The following MLH3 variants were observed in gnomAD, a reference collection of about 807,000 sequenced individuals.
MLH3 encodes DNA mismatch repair protein Mlh3.
Under a neutral mutation model 122.2 loss-of-function variants are expected in MLH3, and 82 were observed. That is an observed-to-expected ratio of 0.67 (90% confidence interval 0.56 to 0.81). The LOEUF is 0.81. MLH3 is among the 30% of genes least tolerant of loss of function. MLH3 has a pLI of 0.00. For missense variants in MLH3, 1,539 were observed against 1,714.5 expected, an observed-to-expected ratio of 0.90 and a Z score of 1.81; for synonymous variants, 524 against 599.5, an observed-to-expected ratio of 0.87 and a Z score of 1.84.
rs34635307 is a variant in MLH3 at position 75,039,759 on chromosome 14, AACAC to A, written c.3570+148_3570+151del. 88,862 of 196,874 alleles carry A rather than the reference AACAC, an allele frequency of 0.45. 16,624 individuals are homozygous for A. The highest frequency in any genetic ancestry group is 0.57 in the East Asian group (3,611 of 6,344). The allele number at this position is 196,874 out of a possible 1,614,324, so 12.2% of individuals were successfully genotyped here. A position where few individuals can be genotyped will look rare whatever the true frequency, so the allele number is the denominator to read the frequency against. ...TTCTGATGATAAAAGTTCTAGTAAGAACACACACACACACACACACACACACACG... is the reference window on the plus strand; with the variant it reads ...TTCTGATGATAAAAGTTCTAGTAAGAACACACACACACACACACACACACG... On this transcript the variant is annotated intron_variant, in intron 5 of 12. Coordinates refer to ENST00000355774, the MANE Select transcript of MLH3 (RefSeq NM_001040108.2).
At position 75,035,954 on chromosome 14, in the gene MLH3, C is replaced by G. The variant is rs368282365; in HGVS notation, c.3643+2386G>C. On this transcript the variant is annotated intron_variant, in intron 6 of 12. Coordinates refer to ENST00000355774, the MANE Select transcript of MLH3 (RefSeq NM_001040108.2). ...CAGTCTCCATTAGCACCATCAGCAT[C>G]TCGTCCTGTCTATTCTCTGAAACAG... is the stretch of plus-strand genomic sequence containing the variant. 2.1e-4 allele frequency among the ~76,000 whole-genome samples: 32 copies of G among 152,206 alleles called. 1 individual carries two copies. The highest frequency in any genetic ancestry group is 1.2e-3 in the East Asian group (6 of 5,200).
intron 6 of MLH3, among the ~76,000 whole-genome samples, chr14:75,033,969 C>T (rs1400670887): frequency 2.6e-5 from 4 of 151,940 alleles, no homozygotes; most frequent in Non-Finnish European, 5.9e-5. Context: ...CTGAGGCGGG[C>T]GGATCATGAG....
chr14:75,024,260 G>A (rs1279129227), intron 9 of MLH3, among the ~76,000 whole-genome samples: 1 of 152,156 alleles, frequency 6.6e-6, no homozygotes, highest in Non-Finnish European at 1.5e-5. Context: ...GGAGTGCAAT[G>A]GCACGATCTT....
In MLH3 at chr14:75,048,495, C is replaced by T. The variant is rs1892425866; in HGVS notation, c.1161G>A (p.Arg387=). The change falls in exon 2 of 13, where the codon AGG becomes AGA. Residue 387 remains arginine, a synonymous_variant. Coordinates refer to ENST00000355774, the MANE Select transcript of MLH3 (RefSeq NM_001040108.2). ...TLQKRVTSDE[R]SNFQEACNNI... ...TATTACATGCTTCCTGGAAATTGCT[C>T]CTCTCATCGGAAGTCACACGCTTCT... 2.5e-6 allele frequency: 4 copies of T among 1,613,106 alleles called. No individual in the cohort carries two copies. Among genetic ancestry groups the T allele is most frequent in the Non-Finnish European group, 3.4e-6 (4 of 1,179,762 alleles).
Position 75,046,364 on chromosome 14 carries a change from C to G in MLH3, c.3280+12G>C. ...CAAAAGCATCTCATGCACATGAATA[C>G]TACGTACTTACCATTCTCAAGTACA... On this transcript the variant is annotated intron_variant, in intron 2 of 12. Coordinates refer to ENST00000355774, the MANE Select transcript of MLH3 (RefSeq NM_001040108.2). The G allele has an allele frequency of 6.2e-7, 1 of 1,613,802 alleles. No homozygotes were observed. Among genetic ancestry groups the G allele is most frequent in the Admixed American group, 1.7e-5 (1 of 60,022 alleles).
chr14:75,031,350 T>C (rs377640260), intron 8 of MLH3, among the ~76,000 whole-genome samples: 35 of 152,274 alleles, frequency 2.3e-4, no homozygotes, highest in Admixed American at 2.0e-3. Flanking sequence ...ACTAAGAGTC[T>C]AGAATGCACC....
At position 75,049,530 on chromosome 14, in the gene MLH3, A is replaced by C. The variant is rs556487716; in HGVS notation, c.126T>G (p.Ala42=). 12 of 1,614,128 alleles carry C rather than the reference A, an allele frequency of 7.4e-6. No individual in the cohort carries two copies. In the Admixed American group the frequency reaches 1.3e-4, roughly 18 times the overall value. ...NSIDAEAKCV[A]VRVNMETFQV... is the part of the protein sequence containing the mutation. ...GGAAGGTTTCCATATTCACCCTGACAGCCACACATTTTGCTTCAGCATCAA... is the reference window on the plus strand; with the variant it reads ...GGAAGGTTTCCATATTCACCCTGACCGCCACACATTTTGCTTCAGCATCAA... Residue 42 remains alanine, a synonymous_variant, in exon 2 of 13, where the codon GCT becomes GCG. Transcript: ENST00000355774.
At chr14:75,045,198 C>T (rs552094945) in intron 2 of MLH3, among the ~76,000 whole-genome samples, 186 of 152,262 alleles carry the variant, frequency 1.2e-3, no homozygotes, top group African/African-American at 3.9e-3. Context: ...GGTGTGGTAG[C>T]GGGTGCCTGT....
At chr14:75,034,890 C>T (rs992171804) in intron 6 of MLH3, among the ~76,000 whole-genome samples, 1 of 151,736 alleles carries the variant, frequency 6.6e-6, no homozygotes, top group African/African-American at 2.4e-5. Context: ...TGGTGAAACC[C>T]TGTCTCTACT....
rs1891208967 is a variant in MLH3 at position 75,033,789 on chromosome 14, C to A, written c.3644-299G>T. ...TCTAGTTTCTCTCTCCAGAGATTACCAGTATTACTAATTTTTATCCTATAA... is the reference window on the plus strand; with the variant it reads ...TCTAGTTTCTCTCTCCAGAGATTACAAGTATTACTAATTTTTATCCTATAA... On this transcript the variant is annotated intron_variant, in intron 6 of 12. Transcript: ENST00000355774. 2.0e-5 allele frequency among the ~76,000 whole-genome samples: 3 copies of A among 152,114 alleles called. No homozygotes were observed. In the South Asian group the frequency reaches 6.2e-4, roughly 32 times the overall value.
intron 1 of MLH3, 22 bp from the exon 2 acceptor site, chr14:75,049,740 C>T (rs947703534): frequency 5.4e-6 from 7 of 1,290,536 alleles, no homozygotes; most frequent in African/African-American, 4.4e-5. Context: ...AAAAACCACA[C>T]ACGCACATAA....
chr14:75,049,002 T>C lies in MLH3; in HGVS notation c.654A>G (p.Gly218=). 2 of 1,614,152 alleles carry C rather than the reference T, an allele frequency of 1.2e-6. No homozygotes were observed. Among genetic ancestry groups the C allele is most frequent in the Non-Finnish European group, 1.7e-6 (2 of 1,180,022 alleles). ...CSRFCQIYGL[G]KSQKLREISF... ...TTATTTCTCTTAGCTTTTGGGACTT[T>C]CCCAATCCATAAATTTGACAAAATC... The change falls in exon 2 of 13, where the codon GGA becomes GGG. Residue 218 remains glycine, a synonymous_variant. Transcript: ENST00000355774.
chr14:75,035,260 G>A (rs1015727556), intron 6 of MLH3, among the ~76,000 whole-genome samples: 2 of 151,998 alleles, frequency 1.3e-5, no homozygotes, highest in Admixed American at 1.3e-4. Context: ...GTTGGCTCAT[G>A]CCTGTAATCC....
Position 75,017,008 on chromosome 14 carries a change from C to T in MLH3, c.*74G>A. On this transcript the variant is annotated 3_prime_UTR_variant, in exon 13 of 13. Transcript: ENST00000355774. ...GATTCAGTCAGGGCCGTGCTGGTAC[C>T]TGCTGCTGCTGCTCTCTGCTCAGAG... The T allele has an allele frequency of 6.5e-7, 1 of 1,531,838 alleles. No individual in the cohort carries two copies. The highest frequency in any genetic ancestry group is 1.7e-5 in the Admixed American group (1 of 59,012). 94.9% of individuals were successfully genotyped at this position (1,531,838 alleles called of 1,614,324 possible).
At chr14:75,020,777 C>A (rs1235661710) in intron 11 of MLH3, 1 of 152,124 alleles carries the variant, frequency 6.6e-6, no homozygotes, top group East Asian at 1.9e-4. Context: ...GCTTTGGCAG[C>A]ACATATAATA....
Position 75,047,675 on chromosome 14 carries a change from T to A in MLH3, c.1981A>T (p.Thr661Ser), listed in dbSNP as rs1289171734. The A allele has an allele frequency of 6.2e-7, 1 of 1,614,070 alleles. No homozygotes were observed. The highest frequency in any genetic ancestry group is 1.7e-5 in the Admixed American group (1 of 60,016). Reference sequence around the variant, plus strand: ...AATTGACCAGATTCTTTACTTAAAGTGCTGGCTAAATCTTTGATGTCTGGA... The same window carrying A: ...AATTGACCAGATTCTTTACTTAAAGAGCTGGCTAAATCTTTGATGTCTGGA... ...ETPDIKDLAS[T>S]LSKESGQLPN... Residue 661 changes from threonine (T) to serine (S), a missense_variant, in exon 2 of 13, where the codon ACT (threonine) becomes TCT (serine). Coordinates refer to ENST00000355774, the MANE Select transcript of MLH3 (RefSeq NM_001040108.2).
rs745657036 is a variant in MLH3 at position 75,046,501 on chromosome 14, AG to A, written c.3154del (p.Leu1052TrpfsTer10). On this transcript the variant is annotated frameshift_variant, in exon 2 of 13. Transcript: ENST00000355774. LOFTEE classifies it high-confidence loss of function. ...TTTGTTGACATAAACCATTCTTCCC[AG>A]GGCTACATCGAAATGCCGCTGCCAA... is the stretch of plus-strand genomic sequence containing the variant. ...SDWQRHFDVA[L>X]GRMVYVNKMT... 2.5e-5 allele frequency: 40 copies of A among 1,614,104 alleles called. No individual in the cohort carries two copies. Among genetic ancestry groups the A allele is most frequent in the Non-Finnish European group, 3.2e-5 (38 of 1,180,046 alleles).
In MLH3 at chr14:75,046,543, T is replaced by G. The variant is rs1273702353; in HGVS notation, c.3113A>C (p.Asn1038Thr). The G allele has an allele frequency of 4.3e-6, 7 of 1,614,086 alleles. No homozygotes were observed. In the African/African-American group the frequency reaches 9.3e-5, roughly 22 times the overall value. The change falls in exon 2 of 13, where the codon AAC (asparagine) becomes ACC (threonine). Residue 1038 changes from asparagine to threonine, a missense_variant. Transcript: ENST00000355774. The stretch of plus-strand genomic sequence containing the variant: ...CCGCTGCCAATCTGAACAACACGTG[T>G]TTGACTCTTCAGTTTCAGAACAAGC... ...ARACSETEES[N>T]TCCSDWQRHF... is the part of the protein sequence containing the mutation.
At chr14:75,031,474 A>G (rs175071) in intron 8 of MLH3, among the ~76,000 whole-genome samples, 70,805 of 152,094 alleles carry the variant, frequency 0.47, 17,075 homozygotes, top group African/African-American at 0.56. Flanking sequence ...CTGCTGGAAA[A>G]AATTATCAGG....
Sources: gnomAD v4.1 joint callset for allele counts (sites outside exome capture counted in the v4.1 genomes callset) on GRCh38, gnomAD v4.1.1 for gene constraint, MANE v1.5 for transcripts, NCBI Gene and HGNC (gene_info 2026-07-23, HGNC 2026-07-21) for gene names.